DPH6: variants seen among roughly 807,000 people sequenced by gnomAD.
The protein encoded by DPH6 is diphthamine biosynthesis 6, also known as diphthine--ammonia ligase.
Under a neutral mutation model 38.2 loss-of-function variants are expected in DPH6, and 33 were observed. That is an observed-to-expected ratio of 0.86 (90% CI 0.65 to 1.15). The LOEUF (loss-of-function observed/expected upper bound fraction) is 1.15, where lower values mean the gene tolerates loss of function less well. Among genes scored for constraint, DPH6 ranks in the 50% most tolerant of loss-of-function variants. The pLI, the probability that DPH6 is intolerant of heterozygous loss-of-function variation, is 0.00. For missense variants in DPH6, 325 were observed against 320.0 expected, an observed-to-expected ratio of 1.02 and a Z score of -0.12; for synonymous variants, 108 against 103.0, an observed-to-expected ratio of 1.05 and a Z score of -0.30.
chr15:35,467,992 A>G (rs1360344261), intron 3 of DPH6, among the ~76,000 whole-genome samples: 1 of 152,210 alleles, frequency 6.6e-6, no homozygotes, highest in East Asian at 1.9e-4. Flanking sequence ...TTTGTTAACC[A>G]AAACATTGTT....
At chr15:35,387,762 T>C (rs1195750101) in intron 6 of DPH6, among the ~76,000 whole-genome samples, 1 of 152,202 alleles carries the variant, frequency 6.6e-6, no homozygotes, top group African/African-American at 2.4e-5. Context: ...TGGGGTTTTC[T>C]AGATATACAA....
intron 6 of DPH6, among the ~76,000 whole-genome samples, chr15:35,393,544 T>C (rs2053087925): frequency 6.6e-6 from 1 of 152,136 alleles, no homozygotes; most frequent in Non-Finnish European, 1.5e-5. Flanking sequence ...GGCAATAAAC[T>C]GGGGTGGAAC....
At chr15:35,279,365 C>A (rs766484943) in intron 3 of DPH6, among the ~76,000 whole-genome samples, 6 of 152,020 alleles carry the variant, frequency 3.9e-5, no homozygotes, top group Non-Finnish European at 7.4e-5. Flanking sequence ...TTGTATTCTG[C>A]ATGTAAGGAC....
chr15:35,198,883 T>C, the DPH6 span, among the ~76,000 whole-genome samples: 3 of 152,120 alleles, frequency 2.0e-5, no homozygotes, highest in African/African-American at 7.2e-5. Flanking sequence ...TACTTTTAAG[T>C]ACAGGAATCA....
chr15:35,211,673 C>G, the DPH6 span, among the ~76,000 whole-genome samples: 1 of 152,274 alleles, frequency 6.6e-6, no homozygotes, highest in South Asian at 2.1e-4. Flanking sequence ...TAAAAAAACA[C>G]TATGAAATAT....
chr15:35,153,383 CT>C, the DPH6 span, among the ~76,000 whole-genome samples: 1 of 151,742 alleles, frequency 6.6e-6, no homozygotes, highest in Non-Finnish European at 1.5e-5. Flanking sequence ...AGTTTATTGC[CT>C]AAGATTCAGT....
At chr15:35,353,888 G>A (rs1013658536) in intron 3 of DPH6, among the ~76,000 whole-genome samples, 6 of 152,118 alleles carry the variant, frequency 3.9e-5, no homozygotes, top group Non-Finnish European at 8.8e-5. Context: ...CCATTTTCAC[G>A]ATATTGATTC....
intron 3 of DPH6, among the ~76,000 whole-genome samples, chr15:35,248,585 G>A (rs192482953): frequency 6.6e-6 from 1 of 152,296 alleles, no homozygotes; most frequent in Non-Finnish European, 1.5e-5. Context: ...AAGCACCCAT[G>A]CATAAAATCA....
intron 3 of DPH6, among the ~76,000 whole-genome samples, chr15:35,345,851 A>C (rs2052457449): frequency 6.6e-6 from 1 of 151,994 alleles, no homozygotes; most frequent in Non-Finnish European, 1.5e-5. Flanking sequence ...GTGAGAGAAG[A>C]TATATATGTA....
intron 3 of DPH6, among the ~76,000 whole-genome samples, chr15:35,234,380 A>T (rs969599299): frequency 6.6e-6 from 1 of 152,214 alleles, no homozygotes; most frequent in African/African-American, 2.4e-5. Context: ...ACTTCTGAGC[A>T]TTCTTTGTTT....
intron 3 of DPH6, among the ~76,000 whole-genome samples, chr15:35,279,068 A>AAATATATATATATATATATATAT (rs1555390826): frequency 9.7e-6 from 1 of 102,994 alleles, no homozygotes; most frequent in African/African-American, 4.8e-5. Flanking sequence ...AAAAAAAAAA[A>AAATATATATATATATATATATAT]ATATATATAT....
At chr15:35,213,840 C>T (rs145479388), downstream of DPH6, among the ~76,000 whole-genome samples, 32 of 152,268 alleles carry the variant, frequency 2.1e-4, 1 homozygote, top group Middle Eastern at 3.4e-3. Flanking sequence ...AGGCCGGGCG[C>T]GGTGGCTCAC....
Position 35,450,728 on chromosome 15 carries a change from T to A in DPH6, c.462A>T (p.Ile154=), listed in dbSNP as rs867195336. Residue 154 remains isoleucine (I), a synonymous_variant, in exon 5 of 9, where the codon ATA becomes ATT. Coordinates refer to ENST00000256538, the MANE Select transcript of DPH6 (RefSeq NM_080650.4). ...TGATCATTGCTTGAATGTTAGATGA[T>A]ATCATCTCTCTGAGCAAATCTTCCT... ...RNQEDLLREM[I]SSNIQAMIIK... 6.2e-7 allele frequency: 1 copy of A among 1,613,420 alleles called. No individual in the cohort carries two copies. Among genetic ancestry groups the A allele is most frequent in the Admixed American group, 1.7e-5 (1 of 59,950 alleles).
chr15:35,236,364 C>G (rs529752406), intron 3 of DPH6, among the ~76,000 whole-genome samples: 2 of 152,152 alleles, frequency 1.3e-5, no homozygotes, highest in African/African-American at 4.8e-5. Flanking sequence ...GTTGGCTGGG[C>G]GCGGTGGCTC....
chr15:35,429,628 T>C (rs1049895060), intron 5 of DPH6, among the ~76,000 whole-genome samples: 1 of 152,152 alleles, frequency 6.6e-6, no homozygotes, highest in Non-Finnish European at 1.5e-5. Context: ...GTTTAAGTAA[T>C]TATGGGTTAA....
intron 6 of DPH6, among the ~76,000 whole-genome samples, chr15:35,397,211 C>T (rs1288288849): frequency 6.6e-6 from 1 of 152,210 alleles, no homozygotes; most frequent in Non-Finnish European, 1.5e-5. Flanking sequence ...TGGTATGCTT[C>T]TTAAGTAGTC....
At chr15:35,420,912 G>A (rs1314907243) in intron 5 of DPH6, among the ~76,000 whole-genome samples, 1 of 152,106 alleles carries the variant, frequency 6.6e-6, no homozygotes, top group Non-Finnish European at 1.5e-5. Flanking sequence ...ATCAGAAATG[G>A]AAGGGGAGAC....
intron 3 of DPH6, chr15:35,237,774 G>C: frequency 3.1e-6 from 5 of 1,608,394 alleles, no homozygotes; most frequent in Non-Finnish European, 4.3e-6. Context: ...GGCTATGACC[G>C]GGACGACAAG....
At chr15:35,511,669 A>G (rs1258550350) in intron 3 of DPH6, among the ~76,000 whole-genome samples, 1 of 152,140 alleles carries the variant, frequency 6.6e-6, no homozygotes, top group African/African-American at 2.4e-5. Context: ...CAGCGTTTTC[A>G]TATCACTGAC....
Sources: allele counts gnomAD v4.1 joint callset (sites outside exome capture counted in the v4.1 genomes callset), GRCh38; gene constraint gnomAD v4.1.1; transcripts MANE v1.5; gene names NCBI Gene and HGNC (gene_info 2026-07-23, HGNC 2026-07-21).